The following NMT1 variants were observed in gnomAD, a reference collection of about 807,000 sequenced individuals.
NMT1 encodes glycylpeptide N-tetradecanoyltransferase 1.
NMT1 carries 12 observed loss-of-function variants against 63.4 expected under a neutral mutation model. The observed-to-expected ratio is 0.19, with a 90% CI of 0.12 to 0.31. NMT1 has a LOEUF of 0.31. Among genes scored for constraint, NMT1 ranks in the 10% least tolerant of loss-of-function variants. The pLI is 1.00. For synonymous variants in NMT1, 228 were observed against 234.3 expected (o/e 0.97, Z 0.25); for missense variants, 432 against 634.6 (o/e 0.68, Z 3.43).
At chr17:45,071,869 G>A (rs2053941758) in intron 1 of NMT1, among the ~76,000 whole-genome samples, 1 of 152,134 alleles carries the variant, frequency 6.6e-6, no homozygotes, top group African/African-American at 2.4e-5. Context: ...CAGTAGCTGG[G>A]ACTACAAGTT....
chr17:45,092,892 G>A (rs186942378), intron 3 of NMT1, among the ~76,000 whole-genome samples: 5 of 152,266 alleles, frequency 3.3e-5, no homozygotes, highest in Admixed American at 2.0e-4. Context: ...TCTTCCCAGT[G>A]TAAACATGAG....
chr17:45,078,256 G>T (rs2053990065), intron 1 of NMT1, among the ~76,000 whole-genome samples: 1 of 152,182 alleles, frequency 6.6e-6, no homozygotes, highest in African/African-American at 2.4e-5. Flanking sequence ...GGGGACACAT[G>T]GAAAGCCATT....
intron 1 of NMT1, among the ~76,000 whole-genome samples, chr17:45,069,968 C>A (rs1051830493): frequency 6.6e-6 from 1 of 151,806 alleles, no homozygotes; most frequent in Non-Finnish European, 1.5e-5. Flanking sequence ...GGTCTCTGAA[C>A]AGCATTTGAT....
At position 45,105,087 on chromosome 17, in the gene NMT1, C is replaced by T. The variant is rs957356996; in HGVS notation, c.1470+91C>T. 27 of 1,525,224 alleles carry T rather than the reference C, an allele frequency of 1.8e-5. No individual in the cohort carries two copies. The African/African-American group carries it at 2.3e-4, about 13-fold the overall frequency. 94.5% of individuals were successfully genotyped at this position (1,525,224 alleles called of 1,614,324 possible). A position where few individuals can be genotyped will look rare whatever the true frequency, so the allele number is the denominator to read the frequency against. ...GGGCCATGGGTTGAGGAGACAGCCG[C>T]AGTCTGGGTCCTTGTTACCTCGAGT... On this transcript the variant is annotated intron_variant, in intron 11 of 11. Transcript: ENST00000258960. The surrounding 1 kb of genome is among the most constrained non-coding windows in gnomAD (Gnocchi z 4.2).
At chr17:45,069,667 C>T (rs1371000568) in intron 1 of NMT1, among the ~76,000 whole-genome samples, 4 of 152,086 alleles carry the variant, frequency 2.6e-5, no homozygotes, top group Non-Finnish European at 5.9e-5. Flanking sequence ...AGGATCCATT[C>T]TGAACTTGCT....
chr17:45,072,680 C>G (rs142092984), intron 1 of NMT1, among the ~76,000 whole-genome samples: 2,564 of 151,896 alleles, frequency 0.017, 56 homozygotes, highest in South Asian at 0.07. Flanking sequence ...CTGCCTCAGC[C>G]TCCCGAGTAG....
At chr17:45,075,148 A>G (rs1281051805) in intron 1 of NMT1, among the ~76,000 whole-genome samples, 2 of 152,168 alleles carry the variant, frequency 1.3e-5, no homozygotes, top group African/African-American at 4.8e-5. Flanking sequence ...TGATCGTGCC[A>G]CTGCACTCCA....
chr17:45,087,103 G>A (rs2054059988), intron 3 of NMT1, among the ~76,000 whole-genome samples: 1 of 151,998 alleles, frequency 6.6e-6, no homozygotes. Flanking sequence ...CAAGGCGGCA[G>A]TGAGCTGAGA....
At chr17:45,063,667 A>C (rs1235615784) in intron 1 of NMT1, among the ~76,000 whole-genome samples, 2 of 151,588 alleles carry the variant, frequency 1.3e-5, no homozygotes, top group Non-Finnish European at 2.9e-5. Context: ...AGGCCGAGGC[A>C]GGTGGATCAC....
rs2054191014 is a variant in NMT1, at chr17:45,104,580, G to A, written c.1333-279G>A. 2 of 1,220,812 alleles carry A rather than the reference G, an allele frequency of 1.6e-6. No homozygotes were observed. The highest frequency in any genetic ancestry group is 3.0e-5 in the African/African-American group (2 of 65,814). 75.6% of individuals were successfully genotyped at this position (1,220,812 alleles called of 1,614,324 possible). ...ACTGTGGAAATTACTAGAGTTTCAG[G>A]GAGGCATAACCAGGAATAGCAAGAG... On this transcript the variant is annotated intron_variant, in intron 10 of 11. Transcript: ENST00000258960. This position sits in a 1 kb window ranked among gnomAD's most constrained non-coding sequence, Gnocchi z 4.2.
intron 1 of NMT1, among the ~76,000 whole-genome samples, chr17:45,073,993 C>G (rs1333100220): frequency 6.6e-6 from 1 of 152,120 alleles, no homozygotes; most frequent in African/African-American, 2.4e-5. Context: ...CATATGGACC[C>G]TCGCTGCTCC....
At chr17:45,095,927 G>A (rs566483963) in intron 4 of NMT1, among the ~76,000 whole-genome samples, 57 of 152,302 alleles carry the variant, frequency 3.7e-4, no homozygotes, top group African/African-American at 1.3e-3. Flanking sequence ...GCTCTCCATT[G>A]TTGATGGCGC....
At chr17:45,064,530 A>C (rs1050669452) in intron 1 of NMT1, among the ~76,000 whole-genome samples, 1 of 152,216 alleles carries the variant, frequency 6.6e-6, no homozygotes, top group Non-Finnish European at 1.5e-5. Flanking sequence ...AATAATTTAA[A>C]TCTGGTCTGA....
chr17:45,084,789 T>A (rs1230100287), intron 2 of NMT1, among the ~76,000 whole-genome samples: 1 of 151,968 alleles, frequency 6.6e-6, no homozygotes, highest in Non-Finnish European at 1.5e-5. Context: ...AATCTAATGG[T>A]GAGGGTCAGG....
In NMT1 at chr17:45,103,202, G is replaced by A. The variant is rs543756456; in HGVS notation, c.1164+81G>A. ...CTGAGTGGCCGGGTTCCCAGGGCTC[G>A]AGTGTTGGCACCTTAGACTTCCTTG... On this transcript the variant is annotated intron_variant, in intron 9 of 11. Coordinates refer to ENST00000258960, the MANE Select transcript of NMT1 (RefSeq NM_021079.5). The surrounding 1 kb of genome is among the most constrained non-coding windows in gnomAD (Gnocchi z 4.8). 3.7e-6 allele frequency: 5 copies of A among 1,369,646 alleles called. No individual in the cohort carries two copies. The highest frequency in any genetic ancestry group is 1.3e-5 in the South Asian group (1 of 76,218). 84.8% of individuals were successfully genotyped at this position (1,369,646 alleles called of 1,614,324 possible).
In NMT1 at chr17:45,105,145, C is replaced by T. The variant is rs74448104; in HGVS notation, c.1470+149C>T. On this transcript the variant is annotated intron_variant, in intron 11 of 11. Coordinates refer to ENST00000258960, the MANE Select transcript of NMT1 (RefSeq NM_021079.5). This position sits in a 1 kb window ranked among gnomAD's most constrained non-coding sequence, Gnocchi z 4.2. ...TTGAAAATGCCCTCCCTCTGCTGGC[C>T]AGACCAGCAGGTCAGCGTTCCCCTC... 2 of 1,019,456 alleles carry T rather than the reference C, an allele frequency of 2.0e-6. No homozygotes were observed. Among genetic ancestry groups the T allele is most frequent in the Non-Finnish European group, 2.9e-6 (2 of 701,632 alleles). 63.2% of individuals were successfully genotyped at this position (1,019,456 alleles called of 1,614,324 possible).
chr17:45,077,669 C>T (rs1056582674), intron 1 of NMT1, among the ~76,000 whole-genome samples: 2 of 152,190 alleles, frequency 1.3e-5, no homozygotes, highest in African/African-American at 2.4e-5. Context: ...AGATTACAGG[C>T]GTGAGCCACC....
rs577081537 is a variant in NMT1, at chr17:45,072,608, G to C, written c.132-9036G>C. ...GGAGTCTCTCTCTCTTGCCCAGGCT[G>C]GAGTGCAGTGGTGCGATCTCAGCTC... On this transcript the variant is annotated intron_variant, in intron 1 of 11. Coordinates refer to ENST00000258960, the MANE Select transcript of NMT1 (RefSeq NM_021079.5). Among the ~76,000 whole-genome samples, 441 of 140,758 alleles carry C rather than the reference G, an allele frequency of 3.1e-3. 1 individual carries two copies. Among genetic ancestry groups the C allele is most frequent in the African/African-American group, 0.011 (397 of 37,184 alleles). 92.3% of individuals were successfully genotyped at this position (140,758 alleles called of 152,430 possible). A position where few individuals can be genotyped will look rare whatever the true frequency, so the allele number is the denominator to read the frequency against.
intron 8 of NMT1, among the ~76,000 whole-genome samples, chr17:45,100,862 C>CAAAAAAAAAAAA (rs71136069): frequency 9.2e-5 from 3 of 32,604 alleles, no homozygotes; most frequent in Non-Finnish European, 5.0e-5. Context: ...GACTCCGTCT[C>CAAAAAAAAAAAA]AAAAAAAAAA....
Sources: allele counts gnomAD v4.1 joint callset (sites outside exome capture counted in the v4.1 genomes callset), GRCh38; gene constraint gnomAD v4.1.1; non-coding constraint Gnocchi (gnomAD v3.1); transcripts MANE v1.5; gene names NCBI Gene and HGNC (gene_info 2026-07-23, HGNC 2026-07-21).